FER: variants seen among roughly 807,000 people sequenced by gnomAD.
The protein encoded by FER is tyrosine-protein kinase Fer.
In FER, 63 loss-of-function variants were observed where a neutral mutation model predicts 111.0. That is an observed-to-expected ratio of 0.57 (90% CI 0.46 to 0.70). The LOEUF is 0.70. Among genes scored for constraint, FER ranks in the 30% least tolerant of loss-of-function variants. The pLI is 0.00. For missense variants in FER, 914 were observed against 954.0 expected (o/e 0.96, Z 0.55); for synonymous variants, 327 against 313.9 (o/e 1.04, Z -0.44).
At chr5:109,164,720 A>G (rs932102368) in intron 17 of FER, among the ~76,000 whole-genome samples, 1 of 152,068 alleles carries the variant, frequency 6.6e-6, no homozygotes, top group African/African-American at 2.4e-5. Flanking sequence ...CCTGATAGCA[A>G]TATTGTCACA....
chr5:109,012,164 G>T (rs1766361707), intron 13 of FER, among the ~76,000 whole-genome samples: 1 of 152,166 alleles, frequency 6.6e-6, no homozygotes, highest in Non-Finnish European at 1.5e-5. Context: ...AACCTTCTTG[G>T]AGGTAGACTG....
At chr5:109,028,587 C>A (rs1769117980) in intron 13 of FER, among the ~76,000 whole-genome samples, 1 of 152,154 alleles carries the variant, frequency 6.6e-6, no homozygotes, top group South Asian at 2.1e-4. Context: ...TCAGAGTAGC[C>A]TGTCTCTCAG....
chr5:108,944,870 G>A (rs1215293730), intron 10 of FER, among the ~76,000 whole-genome samples: 1 of 123,402 alleles, frequency 8.1e-6, no homozygotes, highest in Non-Finnish European at 1.8e-5. Context: ...TTCACTAATT[G>A]TATCCTGTCT....
chr5:108,808,932 A>G (rs1439733429), intron 3 of FER, among the ~76,000 whole-genome samples: 1 of 152,218 alleles, frequency 6.6e-6, no homozygotes, highest in Non-Finnish European at 1.5e-5. Flanking sequence ...TCCCTGGCTT[A>G]GAAGATTTCT....
chr5:109,179,905 C>A (rs1335310056), intron 17 of FER, among the ~76,000 whole-genome samples: 1 of 152,038 alleles, frequency 6.6e-6, no homozygotes, highest in African/African-American at 2.4e-5. Flanking sequence ...TCCTCCCCAC[C>A]AGAAATACTT....
chr5:108,778,275 A>C (rs1753707633), intron 2 of FER, among the ~76,000 whole-genome samples: 1 of 152,206 alleles, frequency 6.6e-6, no homozygotes, highest in Non-Finnish European at 1.5e-5. Context: ...TTCAATGTTC[A>C]GGTTTTTGTG....
At chr5:108,748,386 ACT>A (rs1180706521) in intron 1 of FER, 1 of 151,648 alleles carries the variant, frequency 6.6e-6, no homozygotes, top group Non-Finnish European at 1.5e-5. Context: ...CTCCGCCCCC[ACT>A]CTCCGAATTC....
chr5:109,180,264 A>T lies in FER; in HGVS notation c.2049-483A>T, dbSNP rs559276115. On this transcript the variant is annotated intron_variant, in intron 17 of 19. Transcript: ENST00000281092. Reference sequence around the variant, plus strand: ...TTTGGGAAGCCCTAAGAATTGTCTTATCAGAGTCTACTCAGTATCTACTAG... The same window carrying T: ...TTTGGGAAGCCCTAAGAATTGTCTTTTCAGAGTCTACTCAGTATCTACTAG... Among the ~76,000 whole-genome samples the T allele has an allele frequency of 2.0e-5, 3 of 152,318 alleles. No homozygotes were observed. The South Asian group carries it at 6.2e-4, about 32-fold the overall frequency.
At chr5:108,959,448 T>C (rs898325542) in intron 13 of FER, 101 bp downstream of exon 13, 1 of 1,204,264 alleles carries the variant, frequency 8.3e-7, no homozygotes, top group Non-Finnish European at 1.1e-6. Context: ...ATGCTAGTAG[T>C]TCAGAAAAAA....
At chr5:109,095,518 G>A (rs929823868) in intron 16 of FER, among the ~76,000 whole-genome samples, 2 of 151,996 alleles carry the variant, frequency 1.3e-5, no homozygotes, top group African/African-American at 4.8e-5. Context: ...TACCCTATAT[G>A]TAGCAGCCAG....
At chr5:108,992,964 C>G (rs538352362) in intron 13 of FER, among the ~76,000 whole-genome samples, 47 of 151,302 alleles carry the variant, frequency 3.1e-4, no homozygotes, top group African/African-American at 1.1e-3. Flanking sequence ...AGACGCTCCT[C>G]ACTTCCTAGA....
At chr5:108,916,805 C>G (rs921612602) in intron 10 of FER, among the ~76,000 whole-genome samples, 1 of 152,094 alleles carries the variant, frequency 6.6e-6, no homozygotes, top group African/African-American at 2.4e-5. Flanking sequence ...CATGAAAACT[C>G]TTACTGAGAT....
At chr5:108,879,041 T>TA (rs1487719498) in intron 8 of FER, among the ~76,000 whole-genome samples, 1 of 152,096 alleles carries the variant, frequency 6.6e-6, no homozygotes, top group Non-Finnish European at 1.5e-5. Flanking sequence ...AAGGGTGTTA[T>TA]AAGAATTATA....
intron 5 of FER, among the ~76,000 whole-genome samples, chr5:108,845,162 CTTTTG>C (rs995155358): frequency 4.2e-5 from 6 of 143,882 alleles, no homozygotes; most frequent in East Asian, 2.1e-4. Flanking sequence ...TTCTAGTAGA[CTTTTG>C]TTTTGTTTTG....
chr5:109,047,206 G>A lies in FER; in HGVS notation c.1924+8G>A. The A allele has an allele frequency of 6.5e-7, 1 of 1,531,468 alleles. No individual in the cohort carries two copies. The highest frequency in any genetic ancestry group is 9.0e-7 in the Non-Finnish European group (1 of 1,116,362). The allele number at this position is 1,531,468 out of a possible 1,614,324, so 94.9% of individuals were successfully genotyped here. A position where few individuals can be genotyped will look rare whatever the true frequency, so the allele number is the denominator to read the frequency against. ...TTATGGAACTGGTTTCAGGTAATGT[G>A]ATCTGAGAATTTTTGCATGATGACA... On this transcript the variant is annotated splice_region_variant and intron_variant, in intron 16 of 19. Transcript: ENST00000281092.
At chr5:109,008,440 A>G (rs1765774242) in intron 13 of FER, among the ~76,000 whole-genome samples, 1 of 152,134 alleles carries the variant, frequency 6.6e-6, no homozygotes, top group Non-Finnish European at 1.5e-5. Context: ...TAAGAACCTG[A>G]AGAAGAAACA....
At chr5:108,883,635 G>C (rs919791415) in intron 9 of FER, 117 bp downstream of exon 9, 1 of 927,564 alleles carries the variant, frequency 1.1e-6, no homozygotes, top group Non-Finnish European at 1.5e-6. Context: ...TTTATTTTAA[G>C]TATGAAGTTT....
intron 13 of FER, among the ~76,000 whole-genome samples, chr5:108,980,962 GT>G (rs1330274693): frequency 1.3e-5 from 2 of 152,070 alleles, no homozygotes; most frequent in Non-Finnish European, 2.9e-5. Context: ...TTTTGGTAGG[GT>G]TTTTTAGAGA....
chr5:109,034,300 G>A (rs1770061418), intron 13 of FER, among the ~76,000 whole-genome samples: 1 of 152,112 alleles, frequency 6.6e-6, no homozygotes, highest in African/African-American at 2.4e-5. Flanking sequence ...GCAGTGAGCC[G>A]GTTTGGTCTG....
Sources: gnomAD v4.1 joint callset for allele counts (sites outside exome capture counted in the v4.1 genomes callset) on GRCh38, gnomAD v4.1.1 for gene constraint, MANE v1.5 for transcripts, NCBI Gene and HGNC (gene_info 2026-07-23, HGNC 2026-07-21) for gene names.